ARHGAP20: variants seen among roughly 807,000 people sequenced by gnomAD.
The protein encoded by ARHGAP20 is rho GTPase-activating protein 20.
In ARHGAP20, 34 loss-of-function variants were observed where a neutral mutation model predicts 73.7. The observed-to-expected ratio is 0.46, with a 90% confidence interval of 0.35 to 0.61. The LOEUF (loss-of-function observed/expected upper bound fraction) is 0.61. ARHGAP20 is among the 20% of genes least tolerant of loss of function. The probability of loss-of-function intolerance (pLI) is 0.00; values close to 1 mark genes in which losing one functional copy is unlikely to be tolerated. For missense variants in ARHGAP20, 1,314 were observed against 1,420.9 expected (o/e 0.92, Z 1.21); for synonymous variants, 523 against 518.2 (o/e 1.01, Z -0.13).
At chr11:110,685,009 C>T (rs1022738566) in intron 2 of ARHGAP20, among the ~76,000 whole-genome samples, 1 of 152,048 alleles carries the variant, frequency 6.6e-6, no homozygotes, top group Non-Finnish European at 1.5e-5. Flanking sequence ...CAAACCCTAG[C>T]ACCATGCAAT....
chr11:110,645,983 G>A (rs894641859), intron 2 of ARHGAP20, among the ~76,000 whole-genome samples: 4 of 152,010 alleles, frequency 2.6e-5, no homozygotes, highest in Non-Finnish European at 5.9e-5. Context: ...GAGAGAGGTA[G>A]GGGGCCAAGG....
At chr11:110,702,727 C>G (rs935422133) in intron 1 of ARHGAP20, among the ~76,000 whole-genome samples, 1 of 152,054 alleles carries the variant, frequency 6.6e-6, no homozygotes, top group Non-Finnish European at 1.5e-5. Context: ...ACAAGCATTC[C>G]TATATACCAA....
rs1947403426 is a variant in ARHGAP20 at position 110,580,039 on chromosome 11, AGTGG to A, written c.2903_2906del (p.Pro968LeufsTer7). On this transcript the variant is annotated frameshift_variant, in exon 15 of 15. Transcript: ENST00000683387. LOFTEE classifies it low-confidence loss of function (END_TRUNC). ...TGCAATCTATTGGAGAGGAAGTCTC[AGTGG>A]GTGTAAACACAGAGTGTTCAGAAAT... 1 of 1,614,082 alleles carries A rather than the reference AGTGG, an allele frequency of 6.2e-7. No homozygotes were observed. Among genetic ancestry groups the A allele is most frequent in the Admixed American group, 1.7e-5 (1 of 60,012 alleles).
rs1947843234 is a variant in ARHGAP20 at position 110,592,095 on chromosome 11, C to T, written c.1025G>A (p.Gly342Asp). 6.2e-7 allele frequency: 1 copy of T among 1,614,176 alleles called. No individual in the cohort carries two copies. The highest frequency in any genetic ancestry group is 8.5e-7 in the Non-Finnish European group (1 of 1,180,012). Residue 342 changes from glycine (G) to aspartate (D), a missense_variant, in exon 10 of 15, where the codon GGT becomes GAT. By Grantham distance (94) the Gly-to-Asp change is moderately conservative. This residue lies in a region of ARHGAP20 where 443 missense variants were observed against 466.4 expected (regional missense o/e 0.95). Transcript: ENST00000683387. ...RSIINWAFWR[G>D]SSTHLDNLPS... ...CAAGTTGTCCAGGTGAGTGCTAGAACCTCGCCAGAAGGCCCAGTTTATGAT... is the reference window on the plus strand; with the variant it reads ...CAAGTTGTCCAGGTGAGTGCTAGAATCTCGCCAGAAGGCCCAGTTTATGAT...
chr11:110,592,652 G>A (rs977076890), intron 9 of ARHGAP20, among the ~76,000 whole-genome samples: 1 of 152,096 alleles, frequency 6.6e-6, no homozygotes, highest in African/African-American at 2.4e-5. Context: ...AAAGCGAAAA[G>A]GAGGAAGAAA....
At chr11:110,668,884 G>A (rs1949774852) in intron 2 of ARHGAP20, among the ~76,000 whole-genome samples, 1 of 152,060 alleles carries the variant, frequency 6.6e-6, no homozygotes, top group East Asian at 1.9e-4. Flanking sequence ...AGGATAATTT[G>A]CTCAAAAATG....
intron 2 of ARHGAP20, among the ~76,000 whole-genome samples, chr11:110,649,178 T>C (rs868014158): frequency 6.6e-5 from 10 of 151,854 alleles, no homozygotes; most frequent in Middle Eastern, 6.8e-3. Context: ...TACTTACTAT[T>C]GTTTGTTTTC....
At chr11:110,589,408 C>A (rs1222479496) in intron 11 of ARHGAP20, 1 of 985,098 alleles carries the variant, frequency 1.0e-6, no homozygotes, top group African/African-American at 1.7e-5. Flanking sequence ...CATGAAGTAA[C>A]ATTCTGTAAG....
chr11:110,632,147 T>C (rs1327116344), intron 2 of ARHGAP20, among the ~76,000 whole-genome samples: 1 of 152,220 alleles, frequency 6.6e-6, no homozygotes, highest in African/African-American at 2.4e-5. Flanking sequence ...CTATTAAACA[T>C]TGGTACTAGT....
In ARHGAP20 at chr11:110,606,734, T is replaced by C; in HGVS notation, c.791A>G (p.Tyr264Cys). Residue 264 changes from tyrosine (Y) to cysteine (C), a missense_variant, in exon 9 of 15, where the codon TAT becomes TGT. Tyr to Cys is a radical substitution (Grantham distance 194). This residue lies in a region of ARHGAP20 where 443 missense variants were observed against 466.4 expected (regional missense o/e 0.95). Coordinates refer to ENST00000683387, the MANE Select transcript of ARHGAP20 (RefSeq NM_001384657.1). ...TCGAAGATGGCTCATTTTAATTCCA[T>C]ATGGATATTCATGCCCTACACAGAG... ...PYPLIGHEYP[Y>C]GIKMSHLRDS... 6.4e-7 allele frequency: 1 copy of C among 1,560,772 alleles called. No individual in the cohort carries two copies. Among genetic ancestry groups the C allele is most frequent in the Non-Finnish European group, 8.6e-7 (1 of 1,156,790 alleles).
At chr11:110,711,756 C>T (rs1950662735) in intron 1 of ARHGAP20, 1 of 1,361,284 alleles carries the variant, frequency 7.3e-7, no homozygotes, top group South Asian at 1.7e-5. Flanking sequence ...CAGGCCACTT[C>T]GGGAGGCCCA....
chr11:110,656,952 C>G (rs1949480568), intron 2 of ARHGAP20, among the ~76,000 whole-genome samples: 1 of 152,166 alleles, frequency 6.6e-6, no homozygotes. Flanking sequence ...ACCTCTTCCT[C>G]CCATGCTCTT....
intron 9 of ARHGAP20, among the ~76,000 whole-genome samples, chr11:110,593,489 G>T (rs1947878512): frequency 6.6e-6 from 1 of 152,160 alleles, no homozygotes; most frequent in African/African-American, 2.4e-5. Flanking sequence ...GCAAAAGAAG[G>T]TAGATATAGA....
intron 1 of ARHGAP20, among the ~76,000 whole-genome samples, chr11:110,697,118 T>C (rs933266117): frequency 6.6e-6 from 1 of 151,372 alleles, no homozygotes; most frequent in African/African-American, 2.4e-5. Context: ...GTAGTGGGAT[T>C]GCAGGATTGA....
chr11:110,614,428 A>C, intron 6 of ARHGAP20, 133 bp downstream of exon 6: 1 of 704,318 alleles, frequency 1.4e-6, no homozygotes, highest in Non-Finnish European at 2.4e-6. Context: ...CCCCTGTGGT[A>C]TTTCTAAATG....
intron 2 of ARHGAP20, among the ~76,000 whole-genome samples, chr11:110,690,050 G>C (rs1021970620): frequency 7.9e-5 from 12 of 151,668 alleles, no homozygotes; most frequent in African/African-American, 2.4e-5. Flanking sequence ...GTATTTAGCT[G>C]ATTTTTCCAC....
rs1949028606 is a variant in ARHGAP20, at chr11:110,639,158, C to T, written c.189-8366G>A. 2.0e-5 allele frequency among the ~76,000 whole-genome samples: 3 copies of T among 151,864 alleles called. No individual in the cohort carries two copies. In the South Asian group the frequency reaches 6.2e-4, roughly 32 times the overall value. On this transcript the variant is annotated intron_variant, in intron 2 of 14. Transcript: ENST00000683387. ...AAATAAGTCTGATTTTTTCTCTACTCTTGTGGAACTAGTTTAGCTGCTTGG... is the reference window on the plus strand; with the variant it reads ...AAATAAGTCTGATTTTTTCTCTACTTTTGTGGAACTAGTTTAGCTGCTTGG...
intron 2 of ARHGAP20, among the ~76,000 whole-genome samples, chr11:110,644,111 G>C (rs1382272304): frequency 6.6e-6 from 1 of 151,710 alleles, no homozygotes; most frequent in African/African-American, 2.4e-5. Flanking sequence ...AAGGAGGTGA[G>C]AGAACTCTAC....
rs1047845169 is a variant in ARHGAP20 at position 110,682,714 on chromosome 11, A to G, written c.188+7833T>C. ...AGAAGGCTTGAGTCTTAAAAATTATATATCTATACATTATATAATGGAAGG... is the reference window on the plus strand; with the variant it reads ...AGAAGGCTTGAGTCTTAAAAATTATGTATCTATACATTATATAATGGAAGG... On this transcript the variant is annotated intron_variant, in intron 2 of 14. Coordinates refer to ENST00000683387, the MANE Select transcript of ARHGAP20 (RefSeq NM_001384657.1). Among the ~76,000 whole-genome samples the G allele has an allele frequency of 5.9e-5, 9 of 152,300 alleles. No homozygotes were observed. The South Asian group carries it at 6.2e-4, about 11-fold the overall frequency.
Sources: gnomAD v4.1 joint callset for allele counts (sites outside exome capture counted in the v4.1 genomes callset) on GRCh38, gnomAD v4.1.1 for gene constraint, gnomAD v4.1.1 regional missense constraint, MANE v1.5 for transcripts, NCBI Gene and HGNC (gene_info 2026-07-23, HGNC 2026-07-21) for gene names.